LYPD6B: variants seen among roughly 807,000 people sequenced by gnomAD.
The protein encoded by LYPD6B is ly6/PLAUR domain-containing protein 6B.
A neutral mutation model predicts 22.8 loss-of-function variants in LYPD6B; 17 were observed. The observed-to-expected ratio is 0.75, with a 90% confidence interval of 0.51 to 1.12. The LOEUF is 1.12. Ranked by LOEUF, LYPD6B falls within the 50% of genes most tolerant of loss-of-function variation. The probability of loss-of-function intolerance (pLI) is 0.00; values close to 1 mark genes in which losing one functional copy is unlikely to be tolerated. For missense variants in LYPD6B, 221 were observed against 258.3 expected (o/e 0.86, Z 0.99); for synonymous variants, 106 against 91.6 (o/e 1.16, Z -0.90).
chr2:149,197,267 ACTTT>A (rs1692866567), intron 3 of LYPD6B, among the ~76,000 whole-genome samples: 1 of 152,196 alleles, frequency 6.6e-6, no homozygotes, highest in African/African-American at 2.4e-5. Context: ...TAATCCCAGC[ACTTT>A]GGGAGACCGA....
intron 1 of LYPD6B, among the ~76,000 whole-genome samples, chr2:149,064,203 G>A (rs1684222584): frequency 1.3e-5 from 2 of 152,114 alleles, no homozygotes; most frequent in African/African-American, 4.8e-5. Context: ...TTTTGCTTAT[G>A]TTTCCAATGC....
intron 1 of LYPD6B, among the ~76,000 whole-genome samples, chr2:149,103,248 C>T (rs993298653): frequency 2.6e-5 from 4 of 152,074 alleles, no homozygotes; most frequent in Non-Finnish European, 5.9e-5. Context: ...CTAGTGGCAA[C>T]GTTAACTTAT....
chr2:149,043,712 A>G (rs921299994), intron 1 of LYPD6B, among the ~76,000 whole-genome samples: 5 of 152,288 alleles, frequency 3.3e-5, no homozygotes, highest in African/African-American at 1.2e-4. Context: ...CTAACTAACC[A>G]AAAAGTCTTG....
intron 1 of LYPD6B, among the ~76,000 whole-genome samples, chr2:149,055,124 C>T (rs1324388366): frequency 6.6e-6 from 1 of 152,068 alleles, no homozygotes; most frequent in Admixed American, 6.6e-5. Context: ...CCCAGTTGTC[C>T]CAGCACTGTT....
chr2:149,121,276 A>T (rs1687338612), intron 1 of LYPD6B, among the ~76,000 whole-genome samples: 1 of 152,138 alleles, frequency 6.6e-6, no homozygotes, highest in Non-Finnish European at 1.5e-5. Flanking sequence ...TCTGAAGCTA[A>T]ATTTTTTCAA....
At chr2:149,067,690 A>T (rs1445284650) in intron 1 of LYPD6B, among the ~76,000 whole-genome samples, 3 of 151,610 alleles carry the variant, frequency 2.0e-5, no homozygotes, top group African/African-American at 2.4e-5. Context: ...TTAAAAGAAA[A>T]TTTTTTCTCT....
intron 1 of LYPD6B, among the ~76,000 whole-genome samples, chr2:149,047,403 T>C (rs1348473783): frequency 6.6e-6 from 1 of 152,226 alleles, no homozygotes; most frequent in Non-Finnish European, 1.5e-5. Context: ...TTCAGGACTT[T>C]AAAAATGTTG....
intron 2 of LYPD6B, among the ~76,000 whole-genome samples, chr2:149,134,427 A>T (rs1011299755): frequency 1.3e-5 from 2 of 152,108 alleles, no homozygotes; most frequent in Non-Finnish European, 2.9e-5. Flanking sequence ...CACAGAAAAG[A>T]CTCCAGCCTA....
chr2:149,110,237 T>C (rs191836788), intron 1 of LYPD6B, among the ~76,000 whole-genome samples: 1 of 152,300 alleles, frequency 6.6e-6, no homozygotes, highest in African/African-American at 2.4e-5. Context: ...TTTCAAAATA[T>C]AGGGAGTACA....
chr2:149,153,115 A>C (rs1279562574), intron 2 of LYPD6B, among the ~76,000 whole-genome samples: 1 of 152,226 alleles, frequency 6.6e-6, no homozygotes, highest in Non-Finnish European at 1.5e-5. Context: ...AGGGTCTTAT[A>C]GGTAAGTTGT....
chr2:149,207,297 C>T (rs552578601), intron 4 of LYPD6B, among the ~76,000 whole-genome samples: 141 of 152,226 alleles, frequency 9.3e-4, no homozygotes, highest in Admixed American at 4.6e-3. Context: ...TCCCCTTTAT[C>T]TGAAATGCCC....
At chr2:149,077,809 A>C (rs1684945860) in intron 1 of LYPD6B, among the ~76,000 whole-genome samples, 1 of 152,228 alleles carries the variant, frequency 6.6e-6, no homozygotes. Flanking sequence ...TTACTAATGT[A>C]AAAACTGAAG....
intron 1 of LYPD6B, among the ~76,000 whole-genome samples, chr2:149,107,467 G>A (rs186632611): frequency 6.6e-6 from 1 of 152,328 alleles, no homozygotes; most frequent in East Asian, 1.9e-4. Flanking sequence ...TACAGAAAGT[G>A]AACCTGAGGA....
chr2:149,060,823 C>A (rs1468791986), intron 1 of LYPD6B, among the ~76,000 whole-genome samples: 1 of 152,116 alleles, frequency 6.6e-6, no homozygotes, highest in East Asian at 1.9e-4. Context: ...TCAGGGTCAA[C>A]ATTATGGGGC....
At chr2:149,101,473 T>G (rs529041027) in intron 1 of LYPD6B, 4 of 152,380 alleles carry the variant, frequency 2.6e-5, no homozygotes, top group Admixed American at 6.5e-5. Flanking sequence ...GCGGCTTAAG[T>G]AATGCTTGGC....
intron 3 of LYPD6B, among the ~76,000 whole-genome samples, chr2:149,204,166 T>G (rs935666932): frequency 1.3e-5 from 2 of 152,202 alleles, no homozygotes; most frequent in African/African-American, 4.8e-5. Flanking sequence ...AACCCACATT[T>G]GACGCTCACA....
At chr2:149,198,759 T>C (rs1165736467) in intron 3 of LYPD6B, among the ~76,000 whole-genome samples, 1 of 147,078 alleles carries the variant, frequency 6.8e-6, no homozygotes, top group African/African-American at 2.5e-5. Flanking sequence ...GATCCTATGC[T>C]TGATGAGATT....
chr2:149,134,647 A>G (rs1688247929), intron 2 of LYPD6B, among the ~76,000 whole-genome samples: 1 of 152,216 alleles, frequency 6.6e-6, no homozygotes, highest in Non-Finnish European at 1.5e-5. Flanking sequence ...ATTCTCTCAC[A>G]GTATATGATG....
At chr2:149,131,023 GC>G in intron 2 of LYPD6B, 70 bp downstream of exon 2, 1 of 1,075,196 alleles carries the variant, frequency 9.3e-7, no homozygotes, top group Non-Finnish European at 1.4e-6. Flanking sequence ...TACCACATGA[GC>G]TACTCATGCT....
Sources: allele counts gnomAD v4.1 joint callset (sites outside exome capture counted in the v4.1 genomes callset), GRCh38; gene constraint gnomAD v4.1.1; transcripts MANE v1.5; gene names NCBI Gene and HGNC (gene_info 2026-07-23, HGNC 2026-07-21).